Variants in CSTPP1 observed in about 807,000 individuals in gnomAD.
CSTPP1 encodes the protein UPF0705 protein C11orf49.
the CSTPP1 span, among the ~76,000 whole-genome samples, chr11:47,050,435 A>C: frequency 2.6e-5 from 4 of 152,256 alleles, no homozygotes; most frequent in South Asian, 2.1e-4. Flanking sequence ...CAGTAACTTT[A>C]AAACAAAGTA....
At chr11:47,069,244 C>T in the CSTPP1 span, among the ~76,000 whole-genome samples, 1 of 152,170 alleles carries the variant, frequency 6.6e-6, no homozygotes, top group Admixed American at 6.5e-5. Flanking sequence ...CCAAGGTCTC[C>T]TAGTCACTTG....
the CSTPP1 span, among the ~76,000 whole-genome samples, chr11:46,954,932 C>T: frequency 1.3e-5 from 2 of 151,958 alleles, no homozygotes; most frequent in East Asian, 1.9e-4. Flanking sequence ...GTACCCAGTA[C>T]AGCAAAATCA....
the CSTPP1 span, among the ~76,000 whole-genome samples, chr11:47,134,723 C>G: frequency 6.6e-6 from 1 of 152,252 alleles, no homozygotes; most frequent in African/African-American, 2.4e-5. Context: ...TGGAACAGAG[C>G]AGGCACATGG....
At chr11:46,965,406 G>A in the CSTPP1 span, among the ~76,000 whole-genome samples, 1 of 151,910 alleles carries the variant, frequency 6.6e-6, no homozygotes, top group Admixed American at 6.6e-5. Flanking sequence ...TGTATTTTTA[G>A]TAGAGATGGG....
chr11:47,072,254 C>T, the CSTPP1 span, among the ~76,000 whole-genome samples: 1 of 152,156 alleles, frequency 6.6e-6, no homozygotes, highest in African/African-American at 2.4e-5. Context: ...TTTCCCCTTG[C>T]CCTGATTTGA....
the CSTPP1 span, among the ~76,000 whole-genome samples, chr11:47,067,160 C>T: frequency 6.6e-6 from 1 of 152,018 alleles, no homozygotes. Context: ...TTTGACTGAT[C>T]TTTTTTTAGC....
the CSTPP1 span, among the ~76,000 whole-genome samples, chr11:47,014,274 AAAAG>A: frequency 7.3e-4 from 110 of 151,690 alleles, no homozygotes; most frequent in African/African-American, 2.5e-3. Context: ...AAAGAAAGAG[AAAAG>A]AAAGGAAGGA....
At chr11:47,035,304 C>T in the CSTPP1 span, among the ~76,000 whole-genome samples, 6 of 152,274 alleles carry the variant, frequency 3.9e-5, no homozygotes, top group South Asian at 2.1e-4. Flanking sequence ...GGAGCACTTC[C>T]GGCATCACTA....
the CSTPP1 span, among the ~76,000 whole-genome samples, chr11:47,091,373 C>CAA: frequency 7.4e-6 from 1 of 135,184 alleles, no homozygotes; most frequent in African/African-American, 2.7e-5. Flanking sequence ...GACTCCATCT[C>CAA]AAAAAAAAAA....
chr11:47,149,515 G>C, the CSTPP1 span, among the ~76,000 whole-genome samples: 14 of 152,304 alleles, frequency 9.2e-5, no homozygotes, highest in Admixed American at 3.3e-4. Context: ...GGGATAGAAG[G>C]GTTGCAGGCA....
chr11:47,103,806 C>T, the CSTPP1 span: 18,414 of 150,272 alleles, frequency 0.12, 1,520 homozygotes, highest in South Asian at 0.19. Context: ...TCCTGAGTAG[C>T]TGGGACCACA....
the CSTPP1 span, chr11:47,109,053 G>C: frequency 6.6e-6 from 1 of 152,022 alleles, no homozygotes; most frequent in Non-Finnish European, 1.5e-5. Flanking sequence ...CTTCATTCTA[G>C]CCCCTCATCC....
chr11:46,995,619 T>C, the CSTPP1 span, among the ~76,000 whole-genome samples: 1 of 152,246 alleles, frequency 6.6e-6, no homozygotes, highest in African/African-American at 2.4e-5. Context: ...AGTTCTAGTT[T>C]GATTGCACTG....
chr11:47,031,198 C>T, the CSTPP1 span, among the ~76,000 whole-genome samples: 2 of 152,120 alleles, frequency 1.3e-5, no homozygotes, highest in Non-Finnish European at 2.9e-5. Flanking sequence ...GAATTTGTAT[C>T]TAGTTTTTCA....
the CSTPP1 span, among the ~76,000 whole-genome samples, chr11:47,083,810 T>G: frequency 6.6e-6 from 1 of 152,396 alleles, no homozygotes; most frequent in African/African-American, 2.4e-5. Context: ...CTATGTAGTA[T>G]TCCGTTGTAT....
the CSTPP1 span, among the ~76,000 whole-genome samples, chr11:46,969,961 T>C: frequency 6.6e-6 from 1 of 152,124 alleles, no homozygotes; most frequent in Non-Finnish European, 1.5e-5. Flanking sequence ...CAGACATGGT[T>C]TCGCCATGTT....
the CSTPP1 span, among the ~76,000 whole-genome samples, chr11:47,029,096 C>T: frequency 6.6e-6 from 1 of 151,876 alleles, no homozygotes; most frequent in African/African-American, 2.4e-5. Context: ...TCATCTGCCT[C>T]GGGCTCCCAA....
the CSTPP1 span, among the ~76,000 whole-genome samples, chr11:47,113,533 A>C: frequency 6.6e-6 from 1 of 152,118 alleles, no homozygotes; most frequent in Admixed American, 6.5e-5. Context: ...CTTTTTAATG[A>C]CTGTCATTCT....
At chr11:47,157,143 C>T in the CSTPP1 span, 1 of 1,613,610 alleles carries the variant, frequency 6.2e-7, no homozygotes. Flanking sequence ...TTGGGCGGGG[C>T]CGGCACGCTG....
Sources: allele counts gnomAD v4.1 joint callset (sites outside exome capture counted in the v4.1 genomes callset), GRCh38; gene constraint gnomAD v4.1.1; transcripts MANE v1.5; gene names NCBI Gene and HGNC (gene_info 2026-07-23, HGNC 2026-07-21).